Variants in PLCL1 observed in about 807,000 individuals in gnomAD.
PLCL1 encodes inactive phospholipase C-like protein 1.
Under a neutral mutation model 84.4 loss-of-function variants are expected in PLCL1, and 41 were observed. The observed-to-expected ratio is 0.49, with a 90% CI of 0.38 to 0.63. The LOEUF (loss-of-function observed/expected upper bound fraction) is 0.63. Among genes scored for constraint, PLCL1 ranks in the 30% least tolerant of loss-of-function variants. PLCL1 has a pLI of 0.00. For missense variants in PLCL1, 1,206 were observed against 1,367.8 expected (o/e 0.88, Z 1.87); for synonymous variants, 490 against 488.3 (o/e 1.00, Z -0.05).
chr2:197,854,514 A>T (rs1270486408), intron 1 of PLCL1, among the ~76,000 whole-genome samples: 7 of 152,208 alleles, frequency 4.6e-5, no homozygotes, highest in Admixed American at 4.6e-4. Context: ...GTTTTTATTA[A>T]GCATTATAAT....
intron 1 of PLCL1, among the ~76,000 whole-genome samples, chr2:197,985,746 A>G (rs1286569111): frequency 6.6e-6 from 1 of 152,186 alleles, no homozygotes; most frequent in East Asian, 1.9e-4. Flanking sequence ...TACAATATTT[A>G]CTGTCTGGCC....
chr2:198,107,651 A>G (rs77409318), intron 5 of PLCL1, among the ~76,000 whole-genome samples: 1 of 152,096 alleles, frequency 6.6e-6, no homozygotes, highest in African/African-American at 2.4e-5. Context: ...TTCTGACTTA[A>G]GCCCACTTAG....
chr2:197,887,580 G>T (rs986078523), intron 1 of PLCL1, among the ~76,000 whole-genome samples: 2 of 151,980 alleles, frequency 1.3e-5, no homozygotes, highest in African/African-American at 2.4e-5. Flanking sequence ...GAAAAATTTT[G>T]ATCTTATTTT....
chr2:197,917,677 C>T (rs924013901), intron 1 of PLCL1, among the ~76,000 whole-genome samples: 11 of 151,804 alleles, frequency 7.2e-5, no homozygotes, highest in African/African-American at 2.2e-4. Flanking sequence ...TGTGACAAGA[C>T]GATAAAAGGA....
chr2:198,084,571 A>G lies in PLCL1; in HGVS notation c.1054A>G (p.Ile352Val). Reference protein sequence around the residue: ...EQGVTHITEDICLDIIRRYEL... With the variant: ...EQGVTHITEDVCLDIIRRYEL... ...AGGAGTCACCCATATCACCGAGGATATATGCTTAGACATCATAAGGAGATA... is the reference window on the plus strand; with the variant it reads ...AGGAGTCACCCATATCACCGAGGATGTATGCTTAGACATCATAAGGAGATA... The change falls in exon 2 of 6, where the codon ATA becomes GTA. Residue 352 changes from isoleucine (I) to valine (V), a missense_variant. Coordinates refer to ENST00000428675, the MANE Select transcript of PLCL1 (RefSeq NM_006226.4). 1.2e-6 allele frequency: 2 copies of G among 1,613,780 alleles called. No homozygotes were observed. Among genetic ancestry groups the G allele is most frequent in the Non-Finnish European group, 1.7e-6 (2 of 1,179,670 alleles).
At chr2:198,096,750 T>C (rs1693206902) in intron 3 of PLCL1, among the ~76,000 whole-genome samples, 1 of 152,076 alleles carries the variant, frequency 6.6e-6, no homozygotes, top group South Asian at 2.1e-4. Flanking sequence ...ACTAAGTCAG[T>C]TGGGGGTGAT....
At chr2:197,998,160 GAGA>G (rs1690511137) in intron 1 of PLCL1, among the ~76,000 whole-genome samples, 1 of 144,486 alleles carries the variant, frequency 6.9e-6, no homozygotes, top group African/African-American at 2.6e-5. Context: ...GAGTTTCCTT[GAGA>G]AGAATGGAGC....
intron 1 of PLCL1, among the ~76,000 whole-genome samples, chr2:198,015,103 C>T (rs1257902468): frequency 3.3e-5 from 5 of 152,290 alleles, no homozygotes; most frequent in Middle Eastern, 3.4e-3. Context: ...TTGATTTCCA[C>T]TCCACTAGAA....
intron 1 of PLCL1, among the ~76,000 whole-genome samples, chr2:197,983,356 A>G (rs1690157821): frequency 6.6e-6 from 1 of 150,650 alleles, no homozygotes; most frequent in South Asian, 2.1e-4. Context: ...CAGCCTCCTG[A>G]GTAGCTGGGA....
intron 1 of PLCL1, among the ~76,000 whole-genome samples, chr2:197,859,996 A>G (rs946630739): frequency 1.3e-5 from 2 of 152,062 alleles, no homozygotes; most frequent in African/African-American, 4.8e-5. Flanking sequence ...AGTACCCATC[A>G]GTTGTTTTTC....
chr2:197,864,960 T>C (rs2105697898), intron 1 of PLCL1, among the ~76,000 whole-genome samples: 1 of 152,322 alleles, frequency 6.6e-6, no homozygotes, highest in East Asian at 1.9e-4. Context: ...TAAGCCACTT[T>C]ATATTAAACC....
intron 1 of PLCL1, among the ~76,000 whole-genome samples, chr2:197,886,871 G>A (rs1574931842): frequency 1.3e-5 from 2 of 152,138 alleles, no homozygotes; most frequent in Admixed American, 6.5e-5. Context: ...AAGTCTTCCC[G>A]AAATGCTAGT....
intron 3 of PLCL1, among the ~76,000 whole-genome samples, chr2:198,090,445 G>T (rs999363041): frequency 6.6e-6 from 1 of 151,608 alleles, no homozygotes; most frequent in African/African-American, 2.4e-5. Context: ...TTTTATAATT[G>T]CATAAAATAA....
At chr2:197,824,575 GT>G (rs1323484215) in intron 1 of PLCL1, among the ~76,000 whole-genome samples, 2 of 151,850 alleles carry the variant, frequency 1.3e-5, no homozygotes, top group Non-Finnish European at 2.9e-5. Context: ...TTAGCCAGGT[GT>G]GGTGGTGCAT....
intron 1 of PLCL1, among the ~76,000 whole-genome samples, chr2:198,024,076 GA>G (rs1691205097): frequency 6.6e-6 from 1 of 152,104 alleles, no homozygotes; most frequent in Non-Finnish European, 1.5e-5. Context: ...CATAAAAAAA[GA>G]ATGAGTTCAT....
intron 1 of PLCL1, among the ~76,000 whole-genome samples, chr2:197,950,782 G>C (rs1380066014): frequency 1.3e-5 from 2 of 152,050 alleles, no homozygotes; most frequent in Admixed American, 6.6e-5. Flanking sequence ...ATAGGAATGT[G>C]GTTTATATGT....
At chr2:197,897,167 TCTTCTTCTTCTTCTTCTTCTTCTC>T (rs1405208114) in intron 1 of PLCL1, among the ~76,000 whole-genome samples, 19 of 46,282 alleles carry the variant, frequency 4.1e-4, no homozygotes, top group African/African-American at 1.9e-3. Flanking sequence ...TTCTTCTTCT[TCTTCTTCTTCTTCTTCTTCTTCTC>T]CTTCTCCTTC....
intron 1 of PLCL1, among the ~76,000 whole-genome samples, chr2:198,035,968 T>C (rs1428824967): frequency 2.0e-5 from 3 of 152,106 alleles, no homozygotes; most frequent in Non-Finnish European, 4.4e-5. Context: ...ACCCAGTAGG[T>C]AGAGGTTGCA....
At chr2:198,097,875 C>A (rs1693239490) in intron 3 of PLCL1, among the ~76,000 whole-genome samples, 1 of 152,170 alleles carries the variant, frequency 6.6e-6, no homozygotes, top group Admixed American at 6.5e-5. Flanking sequence ...TTCTGTATGA[C>A]CGAGAGTTGA....
Sources: allele counts gnomAD v4.1 joint callset (sites outside exome capture counted in the v4.1 genomes callset), GRCh38; gene constraint gnomAD v4.1.1; transcripts MANE v1.5; gene names NCBI Gene and HGNC (gene_info 2026-07-23, HGNC 2026-07-21).